TTC3: variants seen among roughly 807,000 people sequenced by gnomAD.
TTC3 encodes the protein tetratricopeptide repeat domain 3, also known as E3 ubiquitin-protein ligase TTC3.
A neutral mutation model predicts 249.6 loss-of-function variants in TTC3; 180 were observed. The observed-to-expected ratio is 0.72, with a 90% CI of 0.64 to 0.82. The LOEUF (loss-of-function observed/expected upper bound fraction) is 0.82. Ranked by LOEUF, TTC3 falls within the 40% of genes least tolerant of loss-of-function variation. The pLI, the probability that TTC3 is intolerant of heterozygous loss-of-function variation, is 0.00. For synonymous variants in TTC3, 717 were observed against 805.0 expected, an observed-to-expected ratio of 0.89 and a Z score of 1.85; for missense variants, 2,061 against 2,398.4, an observed-to-expected ratio of 0.86 and a Z score of 2.94.
chr21:37,096,454 T>G (rs2073952262), intron 9 of TTC3, 127 bp from the exon 10 acceptor site: 1 of 627,690 alleles, frequency 1.6e-6, no homozygotes, highest in South Asian at 2.3e-5. Context: ...AGGTCCTATA[T>G]TCTTTTTGCT....
intron 7 of TTC3, among the ~76,000 whole-genome samples, chr21:37,093,071 C>T (rs2073481567): frequency 6.6e-6 from 1 of 152,128 alleles, no homozygotes; most frequent in Non-Finnish European, 1.5e-5. Flanking sequence ...TTTTGAGCTT[C>T]GCTATGACAT....
intron 27 of TTC3, 66 bp downstream of exon 27, chr21:37,153,343 A>G: frequency 7.3e-7 from 1 of 1,378,318 alleles, no homozygotes; most frequent in Middle Eastern, 1.9e-4. Flanking sequence ...TCTCTGAGTC[A>G]TTTTCATTTT....
At chr21:37,102,857 C>T (rs1388991148) in intron 10 of TTC3, among the ~76,000 whole-genome samples, 4 of 152,082 alleles carry the variant, frequency 2.6e-5, no homozygotes, top group African/African-American at 9.7e-5. Context: ...ATTAGGTGGG[C>T]ATGTTGGTGC....
intron 19 of TTC3, 96 bp downstream of exon 19, chr21:37,138,810 C>T: frequency 2.6e-6 from 2 of 760,376 alleles, no homozygotes; most frequent in East Asian, 3.0e-5. Context: ...TTCTCTGTAC[C>T]TTCTGATAAT....
At chr21:37,133,879 AT>A (rs755352310) in intron 17 of TTC3, among the ~76,000 whole-genome samples, 16 of 152,042 alleles carry the variant, frequency 1.1e-4, no homozygotes, top group Non-Finnish European at 2.2e-4. Context: ...TTATTTATTT[AT>A]TATTTTCTTT....
intron 1 of TTC3, among the ~76,000 whole-genome samples, chr21:37,079,529 T>G (rs1247136269): frequency 1.8e-4 from 25 of 139,398 alleles, no homozygotes; most frequent in East Asian, 4.2e-4. Flanking sequence ...TTTTTTTTTT[T>G]TTTTTTTTTT....
intron 10 of TTC3, among the ~76,000 whole-genome samples, chr21:37,102,654 C>T (rs2074623767): frequency 6.6e-6 from 1 of 152,180 alleles, no homozygotes; most frequent in African/African-American, 2.4e-5. Flanking sequence ...CAGAACTGGG[C>T]TCTTGGGAAC....
chr21:37,082,910 TA>T (rs1184573410), intron 1 of TTC3: 2 of 980,586 alleles, frequency 2.0e-6, no homozygotes, highest in African/African-American at 3.5e-5. Flanking sequence ...ACATTTCCAT[TA>T]AAACTAGTTT....
chr21:37,106,087 TC>T (rs1601460711), intron 10 of TTC3, among the ~76,000 whole-genome samples: 1 of 152,242 alleles, frequency 6.6e-6, no homozygotes, highest in East Asian at 1.9e-4. Flanking sequence ...CTATTTTTCA[TC>T]TTTTATTTTA....
chr21:37,176,268 G>GT (rs1399731539), intron 35 of TTC3, among the ~76,000 whole-genome samples: 1 of 152,118 alleles, frequency 6.6e-6, no homozygotes, highest in Non-Finnish European at 1.5e-5. Context: ...CAATTTAGTG[G>GT]TTTTTTGAAT....
At chr21:37,140,492 C>A in intron 19 of TTC3, 69 bp from the exon 20 acceptor site, 1 of 1,115,822 alleles carries the variant, frequency 9.0e-7, no homozygotes, top group Non-Finnish European at 1.2e-6. Flanking sequence ...AAAAATCAAC[C>A]TTTAGATAAA....
chr21:37,099,507 AGTCG>A (rs1455372772), intron 10 of TTC3, among the ~76,000 whole-genome samples: 1 of 152,246 alleles, frequency 6.6e-6, no homozygotes, highest in African/African-American at 2.4e-5. Context: ...GGAATGTGAA[AGTCG>A]AAAAAATTAA....
intron 34 of TTC3, among the ~76,000 whole-genome samples, chr21:37,170,967 A>G (rs1265468967): frequency 1.3e-5 from 2 of 152,244 alleles, no homozygotes; most frequent in Non-Finnish European, 2.9e-5. Flanking sequence ...TGCAGGCTTC[A>G]ATTAATATAT....
chr21:37,137,205 G>A (rs563472815), intron 18 of TTC3, among the ~76,000 whole-genome samples: 14 of 152,264 alleles, frequency 9.2e-5, no homozygotes, highest in African/African-American at 3.4e-4. Flanking sequence ...TATGGATCAA[G>A]GAGTCATTTT....
chr21:37,154,447 C>T (rs1601832564), intron 27 of TTC3, among the ~76,000 whole-genome samples: 2 of 152,126 alleles, frequency 1.3e-5, no homozygotes, highest in Admixed American at 6.5e-5. Flanking sequence ...TTTGTGATCC[C>T]GGAAAGTTAT....
Position 37,127,768 on chromosome 21 carries a change from C to T in TTC3, c.1298-1235C>T, listed in dbSNP as rs549092371. Among the ~76,000 whole-genome samples, 4 of 152,232 alleles carry T rather than the reference C, an allele frequency of 2.6e-5. No individual in the cohort carries two copies. In the South Asian group the frequency reaches 8.3e-4, roughly 32 times the overall value. On this transcript the variant is annotated intron_variant, in intron 15 of 45. Transcript: ENST00000355666. The stretch of plus-strand genomic sequence containing the variant: ...CATTTCTATTTTTTGTGACCTGCAG[C>T]TCCATGTTCGCTCAGGCTCAGTTAG...
At chr21:37,139,708 T>C (rs2078259621) in intron 19 of TTC3, among the ~76,000 whole-genome samples, 1 of 152,180 alleles carries the variant, frequency 6.6e-6, no homozygotes, top group Non-Finnish European at 1.5e-5. Flanking sequence ...TTTCATTTTA[T>C]TCCTGACAGA....
intron 13 of TTC3, among the ~76,000 whole-genome samples, chr21:37,123,312 G>A (rs1027891467): frequency 4.6e-5 from 7 of 152,150 alleles, no homozygotes; most frequent in Non-Finnish European, 8.8e-5. Context: ...GCTTGGATGG[G>A]ACCAGTTTGG....
intron 19 of TTC3, among the ~76,000 whole-genome samples, chr21:37,139,534 C>T (rs2078245389): frequency 1.3e-5 from 2 of 152,128 alleles, no homozygotes; most frequent in Admixed American, 1.3e-4. Context: ...TAACTTGCCA[C>T]CTAGTGAGGA....
Sources: allele counts gnomAD v4.1 joint callset (sites outside exome capture counted in the v4.1 genomes callset), GRCh38; gene constraint gnomAD v4.1.1; transcripts MANE v1.5; gene names NCBI Gene and HGNC (gene_info 2026-07-23, HGNC 2026-07-21).